The following CDH4 variants were observed in gnomAD, a reference collection of about 807,000 sequenced individuals.
CDH4 encodes cadherin-4.
In CDH4, 33 loss-of-function variants were observed where a neutral mutation model predicts 86.0. The observed-to-expected ratio is 0.38, with a 90% confidence interval of 0.29 to 0.51. The LOEUF is 0.51. CDH4 is among the 20% of genes least tolerant of loss of function. The probability of loss-of-function intolerance (pLI) is 0.86; values close to 1 mark genes in which losing one functional copy is unlikely to be tolerated. For synonymous variants in CDH4, 555 were observed against 549.4 expected, an observed-to-expected ratio of 1.01 and a Z score of -0.14; for missense variants, 1,114 against 1,307.4, an observed-to-expected ratio of 0.85 and a Z score of 2.28.
At chr20:61,406,114 T>G (rs1469500058) in intron 2 of CDH4, among the ~76,000 whole-genome samples, 1 of 152,230 alleles carries the variant, frequency 6.6e-6, no homozygotes, top group Non-Finnish European at 1.5e-5. Context: ...GACCTCGCAC[T>G]TGGCTTGCAA....
intron 2 of CDH4, among the ~76,000 whole-genome samples, chr20:61,390,005 G>C (rs937509104): frequency 2.7e-5 from 4 of 150,784 alleles, no homozygotes; most frequent in African/African-American, 7.3e-5. Context: ...CAGTCATAGG[G>C]TGCCCATAGC....
At chr20:61,840,393 A>C (rs1441536244) in intron 4 of CDH4, among the ~76,000 whole-genome samples, 1 of 152,182 alleles carries the variant, frequency 6.6e-6, no homozygotes, top group African/African-American at 2.4e-5. Context: ...CTCCAGTTTC[A>C]AGTTCATTTG....
intron 2 of CDH4, among the ~76,000 whole-genome samples, chr20:61,724,181 G>T (rs2088082687): frequency 6.6e-6 from 1 of 151,544 alleles, no homozygotes; most frequent in Non-Finnish European, 1.5e-5. Context: ...CATGCGGCAG[G>T]CGGGGTGGGT....
chr20:61,808,455 C>A (rs1273494200), intron 4 of CDH4, among the ~76,000 whole-genome samples: 2 of 152,078 alleles, frequency 1.3e-5, no homozygotes, highest in African/African-American at 4.8e-5. Context: ...TCCGTGTAGA[C>A]TTCATTTTGA....
intron 4 of CDH4, among the ~76,000 whole-genome samples, chr20:61,841,405 C>G (rs1225994054): frequency 6.6e-6 from 1 of 152,188 alleles, no homozygotes; most frequent in Non-Finnish European, 1.5e-5. Flanking sequence ...TCCCCTCTAT[C>G]TAGACGTTGC....
At chr20:61,403,702 G>A (rs186985245) in intron 2 of CDH4, among the ~76,000 whole-genome samples, 2 of 152,250 alleles carry the variant, frequency 1.3e-5, no homozygotes. Context: ...TTGTGTTCTT[G>A]GGTCTGTACT....
chr20:61,362,493 A>G (rs2084789310), intron 2 of CDH4, among the ~76,000 whole-genome samples: 1 of 147,122 alleles, frequency 6.8e-6, no homozygotes, highest in Non-Finnish European at 1.5e-5. Flanking sequence ...GACATGGCCT[A>G]GGACAGTGTA....
At chr20:61,490,052 C>A (rs1465463513) in intron 2 of CDH4, among the ~76,000 whole-genome samples, 1 of 152,188 alleles carries the variant, frequency 6.6e-6, no homozygotes, top group Non-Finnish European at 1.5e-5. Context: ...TGATGACCAT[C>A]ACATTGGTTC....
intron 2 of CDH4, chr20:61,600,114 C>G: frequency 4.0e-6 from 1 of 248,080 alleles, no homozygotes; most frequent in Non-Finnish European, 6.4e-6. Flanking sequence ...TCGGATGCTG[C>G]TGAGAATGAA....
intron 2 of CDH4, among the ~76,000 whole-genome samples, chr20:61,434,215 G>C (rs2085267291): frequency 6.6e-6 from 1 of 152,146 alleles, no homozygotes; most frequent in Non-Finnish European, 1.5e-5. Context: ...TGGAGGGGCT[G>C]GCCTGCAGCT....
chr20:61,585,060 C>T (rs1177449575), intron 2 of CDH4, among the ~76,000 whole-genome samples: 1 of 152,234 alleles, frequency 6.6e-6, no homozygotes, highest in Non-Finnish European at 1.5e-5. Flanking sequence ...CTCCGCTTCT[C>T]CACCTGCATG....
rs754496065 is a variant in CDH4, at chr20:61,480,872, G to A, written c.169+225935G>A. Among the ~76,000 whole-genome samples, 3 of 152,232 alleles carry A rather than the reference G, an allele frequency of 2.0e-5. No individual in the cohort carries two copies. The highest frequency in any genetic ancestry group is 2.9e-5 in the Non-Finnish European group (2 of 68,036). ...AGTTTGTTGGCTGTGCATTAGGTCT[G>A]CTCCTACATGCATTGCCCTCACATG... On this transcript the variant is annotated intron_variant, in intron 2 of 15. Transcript: ENST00000614565. This position sits in a 1 kb window ranked among gnomAD's most constrained non-coding sequence, Gnocchi z 5.2.
At chr20:61,286,506 C>G (rs576721259) in intron 2 of CDH4, among the ~76,000 whole-genome samples, 5 of 152,172 alleles carry the variant, frequency 3.3e-5, no homozygotes, top group African/African-American at 1.2e-4. Context: ...GGGGCGTGTA[C>G]GGGTTTCAGT....
At chr20:61,563,761 C>T (rs1285729037) in intron 2 of CDH4, among the ~76,000 whole-genome samples, 1 of 152,202 alleles carries the variant, frequency 6.6e-6, no homozygotes, top group African/African-American at 2.4e-5. Context: ...TGAGCCCCCT[C>T]TGTGTGGCTC....
intron 2 of CDH4, among the ~76,000 whole-genome samples, chr20:61,525,631 C>G (rs188309130): frequency 6.6e-6 from 1 of 152,162 alleles, no homozygotes; most frequent in Non-Finnish European, 1.5e-5. Flanking sequence ...GCCGTGTGCT[C>G]GGCTCTGTGC....
rs533932071 is a variant in CDH4, at chr20:61,393,439, A to G, written c.169+138502A>G. ...AGGACCCCCAGGGATTGGCAAAATT[A>G]AACCTGGATGCTTTGATCGCTGGCA... is the stretch of plus-strand genomic sequence containing the variant. On this transcript the variant is annotated intron_variant, in intron 2 of 15. Coordinates refer to ENST00000614565, the MANE Select transcript of CDH4 (RefSeq NM_001794.5). This position sits in a 1 kb window ranked among gnomAD's most constrained non-coding sequence, Gnocchi z 4.3. 9.7e-4 allele frequency among the ~76,000 whole-genome samples: 147 copies of G among 152,314 alleles called. No individual in the cohort carries two copies. The highest frequency in any genetic ancestry group is 3.5e-3 in the African/African-American group (144 of 41,570).
intron 2 of CDH4, among the ~76,000 whole-genome samples, chr20:61,594,885 C>T (rs993553160): frequency 6.6e-6 from 1 of 152,360 alleles, no homozygotes; most frequent in Non-Finnish European, 1.5e-5. Context: ...GCTTTACTTT[C>T]ATTATCTCAT....
At chr20:61,755,273 ACACACACACACACGCCCCACACACAC>A (rs1036397870) in intron 3 of CDH4, among the ~76,000 whole-genome samples, 1 of 146,946 alleles carries the variant, frequency 6.8e-6, no homozygotes, top group African/African-American at 2.5e-5. Flanking sequence ...TATCAATACC[ACACACACACACACGCCCCACACACAC>A]CACACACACA....
At chr20:61,622,771 G>A (rs2086788974) in intron 2 of CDH4, among the ~76,000 whole-genome samples, 2 of 152,212 alleles carry the variant, frequency 1.3e-5, no homozygotes, top group Non-Finnish European at 2.9e-5. Flanking sequence ...GTAGATGCCA[G>A]TAGCACCCAC....
Sources: gnomAD v4.1 joint callset for allele counts (sites outside exome capture counted in the v4.1 genomes callset) on GRCh38, gnomAD v4.1.1 for gene constraint, Gnocchi (gnomAD v3.1) non-coding constraint, MANE v1.5 for transcripts, NCBI Gene and HGNC (gene_info 2026-07-23, HGNC 2026-07-21) for gene names.